PTPN21: variants seen among roughly 807,000 people sequenced by gnomAD.
PTPN21 encodes protein tyrosine phosphatase non-receptor type 21.
In PTPN21, 77 loss-of-function variants were observed where a neutral mutation model predicts 131.8. The ratio of observed to expected loss-of-function variants is 0.58; its 90% CI spans 0.49 to 0.71. The LOEUF is 0.71. PTPN21 is among the 30% of genes least tolerant of loss of function. PTPN21 has a pLI of 0.00. For missense variants in PTPN21, 1,552 were observed against 1,527.1 expected (o/e 1.02, Z -0.27); for synonymous variants, 715 against 621.3 (o/e 1.15, Z -2.24).
intron 1 of PTPN21, 36 bp from the exon 2 acceptor site, chr14:88,550,655 T>C (rs2139370585): frequency 2.2e-6 from 1 of 446,916 alleles, no homozygotes; most frequent in Non-Finnish European, 4.0e-6. Context: ...TAAGCAAACG[T>C]AACGCTGGGC....
intron 2 of PTPN21, among the ~76,000 whole-genome samples, chr14:88,534,233 G>T (rs1323470482): frequency 6.6e-6 from 1 of 150,898 alleles, no homozygotes; most frequent in Non-Finnish European, 1.5e-5. Context: ...AAAAGGGGGG[G>T]CGGGGGGCGC....
At chr14:88,538,950 A>T (rs563519571) in intron 2 of PTPN21, among the ~76,000 whole-genome samples, 2 of 152,336 alleles carry the variant, frequency 1.3e-5, no homozygotes, top group African/African-American at 4.8e-5. Flanking sequence ...AAGTAATACG[A>T]GATCTTCTTA....
chr14:88,523,113 C>T (rs1023657517), intron 2 of PTPN21, among the ~76,000 whole-genome samples: 1 of 151,926 alleles, frequency 6.6e-6, no homozygotes, highest in Non-Finnish European at 1.5e-5. Flanking sequence ...CCAGCATTAC[C>T]CCAATACCAA....
Position 88,469,944 on chromosome 14 carries a change from A to G in PTPN21, c.2978T>C (p.Ile993Thr), listed in dbSNP as rs758850866. The G allele has an allele frequency of 1.9e-6, 3 of 1,614,106 alleles. No homozygotes were observed. Among genetic ancestry groups the G allele is most frequent in the Non-Finnish European group, 2.5e-6 (3 of 1,179,998 alleles). The change falls in exon 16 of 19, where the codon ATA (isoleucine) becomes ACA (threonine). Residue 993 changes from isoleucine to threonine, a missense_variant. Ile to Thr is a moderately conservative substitution (Grantham distance 89). Transcript: ENST00000556564. This position sits in a 1 kb window ranked among gnomAD's most constrained non-coding sequence, Gnocchi z 4.3. ...QMVWEQGIAI[I>T]AMVTAEEEGG... ...TACCTCTTCTGCTGTCACCATTGCT[A>G]TAATTGCAATTCCCTGTTCCCATAC...
intron 10 of PTPN21, among the ~76,000 whole-genome samples, chr14:88,490,532 G>C (rs1241784535): frequency 1.3e-5 from 2 of 152,094 alleles, no homozygotes; most frequent in Non-Finnish European, 1.5e-5. Context: ...CACTTCTGGG[G>C]CTCAGGGGAC....
At chr14:88,550,719 C>T in intron 1 of PTPN21, 100 bp from the exon 2 acceptor site, 2 of 268,548 alleles carry the variant, frequency 7.4e-6, no homozygotes, top group Non-Finnish European at 1.4e-5. Flanking sequence ...CAAGCCGTCC[C>T]TCTCCACTGG....
In PTPN21 at chr14:88,472,238, T is replaced by C; in HGVS notation, c.2871+6A>G. 1 of 1,581,260 alleles carries C rather than the reference T, an allele frequency of 6.3e-7. No homozygotes were observed. Among genetic ancestry groups the C allele is most frequent in the East Asian group, 2.2e-5 (1 of 44,720 alleles). ...TGCTGTTGATTACTTGAGGCGTTCC[T>C]CTCACCTTAATATGTGATGCGTTGA... On this transcript the variant is annotated splice_donor_region_variant and intron_variant, in intron 15 of 18. Coordinates refer to ENST00000556564, the MANE Select transcript of PTPN21 (RefSeq NM_007039.4).
In PTPN21 at chr14:88,544,294, G is replaced by A. The variant is rs150115339; in HGVS notation, c.180+5944C>T. Among the ~76,000 whole-genome samples the A allele has an allele frequency of 2.8e-3, 427 of 152,094 alleles. 1 individual carries two copies. The highest frequency in any genetic ancestry group is 5.7e-3 in the Admixed American group (87 of 15,274). The stretch of plus-strand genomic sequence containing the variant: ...CGGGAGGCGGAAGTTGCTGTGAGCC[G>A]AGATCGCGCCATTTGCACTCCAGCC... On this transcript the variant is annotated intron_variant, in intron 2 of 18. Transcript: ENST00000556564.
chr14:88,509,839 C>T (rs1047966014), intron 3 of PTPN21, among the ~76,000 whole-genome samples: 4 of 152,134 alleles, frequency 2.6e-5, no homozygotes, highest in African/African-American at 7.2e-5. Context: ...AGTTGGAGAC[C>T]GGACTGGCCA....
At chr14:88,513,068 G>C (rs551602652) in intron 3 of PTPN21, among the ~76,000 whole-genome samples, 1 of 152,160 alleles carries the variant, frequency 6.6e-6, no homozygotes, top group Non-Finnish European at 1.5e-5. Flanking sequence ...ACTCTAGTAA[G>C]TTTCAAAGGT....
chr14:88,468,795 C>T lies in PTPN21; in HGVS notation c.3396+121G>A, dbSNP rs1298037179. 26 of 1,241,904 alleles carry T rather than the reference C, an allele frequency of 2.1e-5. No homozygotes were observed. The East Asian group carries it at 5.9e-4, about 28-fold the overall frequency. The allele number at this position is 1,241,904 out of a possible 1,614,324, so 76.9% of individuals were successfully genotyped here. ...AGCCTTTTGCAGGGAACATTAGTAA[C>T]ATCTTGAGGCCACCACAGTCCAAGG... On this transcript the variant is annotated intron_variant, in intron 18 of 18. Coordinates refer to ENST00000556564, the MANE Select transcript of PTPN21 (RefSeq NM_007039.4).
intron 8 of PTPN21, among the ~76,000 whole-genome samples, chr14:88,499,070 A>T (rs1263177171): frequency 3.3e-5 from 5 of 152,206 alleles, no homozygotes; most frequent in African/African-American, 9.6e-5. Context: ...CACTTTGGGC[A>T]CCATCAGAGC....
At chr14:88,541,332 A>T in intron 2 of PTPN21, among the ~76,000 whole-genome samples, 1 of 152,246 alleles carries the variant, frequency 6.6e-6, no homozygotes, top group East Asian at 1.9e-4. Context: ...TTATGAACAA[A>T]TTGCTCAGAG....
intron 6 of PTPN21, among the ~76,000 whole-genome samples, chr14:88,503,403 TGAG>T (rs1344917421): frequency 1.3e-5 from 2 of 152,204 alleles, no homozygotes; most frequent in Non-Finnish European, 2.9e-5. Context: ...TTTATCTTAA[TGAG>T]TAGTTATAAG....
chr14:88,468,224 C>G lies in PTPN21; in HGVS notation c.3438G>C (p.Gln1146His). The G allele has an allele frequency of 6.2e-7, 1 of 1,610,972 alleles. No homozygotes were observed. The highest frequency in any genetic ancestry group is 8.5e-7 in the Non-Finnish European group (1 of 1,177,878). The change falls in exon 19 of 19, where the codon CAG becomes CAC. Residue 1146 changes from glutamine to histidine, a missense_variant. By Grantham distance (24) the Gln-to-His change is conservative (BLOSUM62 0). Transcript: ENST00000556564. ...AGAGAGTCTGCACCAGCATCATTCT[C>G]TGTTGCCTCAGCATGTCCAGCACTC... Reference protein sequence around the residue: ...IPRVLDMLRQQRMMLVQTLCQ... With the variant: ...IPRVLDMLRQHRMMLVQTLCQ...
At position 88,469,383 on chromosome 14, in the gene PTPN21, C is replaced by T; in HGVS notation, c.3235+116G>A. 3.1e-6 allele frequency: 3 copies of T among 961,634 alleles called. No homozygotes were observed. The highest frequency in any genetic ancestry group is 2.6e-5 in the East Asian group (1 of 38,662). 59.6% of individuals were successfully genotyped at this position (961,634 alleles called of 1,614,324 possible). On this transcript the variant is annotated intron_variant, in intron 17 of 18. Coordinates refer to ENST00000556564, the MANE Select transcript of PTPN21 (RefSeq NM_007039.4). The surrounding 1 kb of genome is among the most constrained non-coding windows in gnomAD (Gnocchi z 4.3). Reference sequence around the variant, plus strand: ...AACACTTGTATTCTTTATGTTAAAACAAGTCCGAAGCTTATATGAGATAAC... The same window carrying T: ...AACACTTGTATTCTTTATGTTAAAATAAGTCCGAAGCTTATATGAGATAAC...
chr14:88,494,299 G>A (rs983617618), intron 10 of PTPN21, among the ~76,000 whole-genome samples: 1 of 152,156 alleles, frequency 6.6e-6, no homozygotes, highest in Non-Finnish European at 1.5e-5. Flanking sequence ...CTGGAACAGA[G>A]CAAGCAGGGA....
chr14:88,543,916 AC>A lies in PTPN21; in HGVS notation c.180+6321del, dbSNP rs1392779115. ...AATAAAGACGCCCCAGCATGCACACACCCCCCTCAGAAACAGCTGAAAGAAA... is the reference window on the plus strand; with the variant it reads ...AATAAAGACGCCCCAGCATGCACACACCCCCTCAGAAACAGCTGAAAGAAA... On this transcript the variant is annotated intron_variant, in intron 2 of 18. Transcript: ENST00000556564. 4.0e-5 allele frequency among the ~76,000 whole-genome samples: 6 copies of A among 151,848 alleles called. No individual in the cohort carries two copies. In the South Asian group the frequency reaches 6.2e-4, roughly 16 times the overall value.
At chr14:88,553,258 T>C (rs1031672154) in intron 1 of PTPN21, among the ~76,000 whole-genome samples, 8 of 152,226 alleles carry the variant, frequency 5.3e-5, no homozygotes, top group African/African-American at 1.9e-4. Flanking sequence ...AGTTGCAGTG[T>C]GTGTGTACAT....
Sources: allele counts gnomAD v4.1 joint callset (sites outside exome capture counted in the v4.1 genomes callset), GRCh38; gene constraint gnomAD v4.1.1; non-coding constraint Gnocchi (gnomAD v3.1); transcripts MANE v1.5; gene names NCBI Gene and HGNC (gene_info 2026-07-23, HGNC 2026-07-21).